Variants in NCAM2 observed in about 807,000 individuals in gnomAD.
NCAM2 encodes N-CAM-2.
In NCAM2, 30 loss-of-function variants were observed where a neutral mutation model predicts 98.1. The observed-to-expected ratio is 0.31, with a 90% CI of 0.23 to 0.41. NCAM2 has a LOEUF of 0.41. Among genes scored for constraint, NCAM2 ranks in the 10% least tolerant of loss-of-function variants. The pLI is 1.00. For synonymous variants in NCAM2, 368 were observed against 342.4 expected, an observed-to-expected ratio of 1.07 and a Z score of -0.83; for missense variants, 867 against 1,005.8, an observed-to-expected ratio of 0.86 and a Z score of 1.87.
intron 9 of NCAM2, among the ~76,000 whole-genome samples, chr21:21,384,132 A>G (rs1372854003): frequency 1.3e-5 from 2 of 152,056 alleles, no homozygotes; most frequent in Non-Finnish European, 2.9e-5. Context: ...ATTTAGAGTT[A>G]TATGTTTAAA....
chr21:21,141,877 G>A (rs866489687), intron 1 of NCAM2, among the ~76,000 whole-genome samples: 1 of 152,062 alleles, frequency 6.6e-6, no homozygotes, highest in East Asian at 1.9e-4. Context: ...CCATAAATTG[G>A]GTTCAAGGTA....
intron 1 of NCAM2, among the ~76,000 whole-genome samples, chr21:21,142,168 G>A (rs542576206): frequency 3.4e-4 from 51 of 152,132 alleles, no homozygotes; most frequent in African/African-American, 1.1e-3. Flanking sequence ...TAGCAATAGC[G>A]AAAACAACTA....
Position 21,537,867 on chromosome 21 carries a change from A to C in NCAM2, c.2424A>C (p.Glu808Asp), listed in dbSNP as rs1990068053. 1 of 1,560,516 alleles carries C rather than the reference A, an allele frequency of 6.4e-7. No homozygotes were observed. Among genetic ancestry groups the C allele is most frequent in the South Asian group, 1.2e-5 (1 of 84,454 alleles). Residue 808 changes from glutamate to aspartate, a missense_variant, in exon 18 of 18, where the codon GAA (glutamate) becomes GAC (aspartate). This residue lies in a region of NCAM2 where 125 missense variants were observed against 116.1 expected (regional missense o/e 1.08). Transcript: ENST00000400546. ...TEPEKLPLKE[E>D]DGKEALNPET... The stretch of plus-strand genomic sequence containing the variant: ...CCAGAAAATTGCCTTTAAAGGAAGA[A>C]GATGGGAAAGAAGCTCTAAATCCAG...
chr21:21,101,149 A>G (rs892741212), intron 1 of NCAM2, among the ~76,000 whole-genome samples: 12 of 151,998 alleles, frequency 7.9e-5, no homozygotes, highest in African/African-American at 2.2e-4. Flanking sequence ...TTTCATGTGC[A>G]TTACCTAATT....
In NCAM2 at chr21:21,368,755, G is replaced by C. The variant is rs1331701330; in HGVS notation, c.1045-5108G>C. 4.6e-5 allele frequency among the ~76,000 whole-genome samples: 7 copies of C among 151,738 alleles called. No homozygotes were observed. In the East Asian group the frequency reaches 1.4e-3, roughly 29 times the overall value. The stretch of plus-strand genomic sequence containing the variant: ...AACCTCCAAAAATACCAGCACAGTG[G>C]GGCTTAGGATTTCAACATATGAACT... On this transcript the variant is annotated intron_variant, in intron 8 of 17. Transcript: ENST00000400546.
Position 21,543,006 on chromosome 21 carries a change from GT to G in NCAM2, c.*5056del, listed in dbSNP as rs1013784931. The G allele has an allele frequency of 3.6e-5, 3 of 82,880 alleles. No individual in the cohort carries two copies. The highest frequency in any genetic ancestry group is 1.1e-4 in the African/African-American group (1 of 8,912). 5.1% of individuals were successfully genotyped at this position (82,880 alleles called of 1,614,324 possible). A position where few individuals can be genotyped will look rare whatever the true frequency, so the allele number is the denominator to read the frequency against. On this transcript the variant is annotated 3_prime_UTR_variant, in exon 18 of 18. Transcript: ENST00000400546. Reference sequence around the variant, plus strand: ...GAAATATGTGAAGTTAGAAATAAAGGTTTTTTTAAAAAAAAAGCTTTTTTGG... The same window carrying G: ...GAAATATGTGAAGTTAGAAATAAAGGTTTTTTAAAAAAAAAGCTTTTTTGG...
intron 1 of NCAM2, among the ~76,000 whole-genome samples, chr21:21,271,258 C>T (rs1459259337): frequency 6.6e-6 from 1 of 152,038 alleles, no homozygotes; most frequent in Admixed American, 6.6e-5. Context: ...AATATTTTAG[C>T]ATGTATTTTC....
chr21:21,068,890 C>G (rs2065499609), intron 1 of NCAM2, among the ~76,000 whole-genome samples: 2 of 152,022 alleles, frequency 1.3e-5, no homozygotes. Context: ...TTGCTTTTTT[C>G]ACTGCTAGTT....
At chr21:21,398,332 G>A (rs1448189567) in intron 9 of NCAM2, among the ~76,000 whole-genome samples, 1 of 152,044 alleles carries the variant, frequency 6.6e-6, no homozygotes, top group East Asian at 1.9e-4. Flanking sequence ...CAGGTGATGG[G>A]TACACCAAAA....
chr21:21,387,437 C>T (rs1170024966), intron 9 of NCAM2, among the ~76,000 whole-genome samples: 2 of 151,760 alleles, frequency 1.3e-5, no homozygotes, highest in South Asian at 4.2e-4. Flanking sequence ...ATGGATAGGA[C>T]AAGTACAGAA....
Position 21,538,058 on chromosome 21 carries a change from T to A in NCAM2, c.*101T>A. The A allele has an allele frequency of 1.7e-6, 1 of 603,366 alleles. No homozygotes were observed. Among genetic ancestry groups the A allele is most frequent in the Non-Finnish European group, 2.8e-6 (1 of 359,770 alleles). The allele number at this position is 603,366 out of a possible 1,614,324, so 37.4% of individuals were successfully genotyped here. ...ATTGACCTTAATTTCTTGGGAAACT[T>A]CTAGCTTGGAATAGCTTGTACACAT... is the stretch of plus-strand genomic sequence containing the variant. On this transcript the variant is annotated 3_prime_UTR_variant, in exon 18 of 18. Transcript: ENST00000400546.
At chr21:21,146,476 C>G (rs1365269140) in intron 1 of NCAM2, among the ~76,000 whole-genome samples, 1 of 147,506 alleles carries the variant, frequency 6.8e-6, no homozygotes, top group African/African-American at 2.5e-5. Flanking sequence ...AGAAACAGAA[C>G]CAATATATAC....
intron 4 of NCAM2, among the ~76,000 whole-genome samples, chr21:21,287,651 T>A (rs1046398536): frequency 6.6e-6 from 1 of 151,938 alleles, no homozygotes; most frequent in Non-Finnish European, 1.5e-5. Flanking sequence ...TAGTAGAATA[T>A]TTTGAAGTAA....
chr21:21,169,201 A>G (rs2068044758), intron 1 of NCAM2, among the ~76,000 whole-genome samples: 1 of 152,198 alleles, frequency 6.6e-6, no homozygotes, highest in Non-Finnish European at 1.5e-5. Flanking sequence ...TACAGTTTTT[A>G]CAACAAATGA....
chr21:21,324,859 T>C (rs940647157), intron 6 of NCAM2, among the ~76,000 whole-genome samples: 2 of 152,172 alleles, frequency 1.3e-5, no homozygotes, highest in African/African-American at 4.8e-5. Flanking sequence ...CACTGTCATA[T>C]GTATACAATA....
At chr21:21,244,766 G>GAA (rs2071197579) in intron 1 of NCAM2, among the ~76,000 whole-genome samples, 1 of 145,326 alleles carries the variant, frequency 6.9e-6, no homozygotes. Flanking sequence ...AGAATCACTT[G>GAA]AACCTGGGAG....
chr21:21,316,587 G>A (rs2074229017), intron 5 of NCAM2, among the ~76,000 whole-genome samples: 1 of 136,928 alleles, frequency 7.3e-6, no homozygotes, highest in Non-Finnish European at 1.5e-5. Context: ...CCATGTTGGA[G>A]TGCAATGGTG....
rs563208184 is a variant in NCAM2 at position 21,532,130 on chromosome 21, A to T, written c.2283-2407A>T. 3.1e-4 allele frequency among the ~76,000 whole-genome samples: 47 copies of T among 152,188 alleles called. No homozygotes were observed. The South Asian group carries it at 9.5e-3, about 31-fold the overall frequency. ...TAATACTTATGGTATTTATTATAAT[A>T]AAAAAGTTAAAAATAACCTAAATGT... On this transcript the variant is annotated intron_variant, in intron 16 of 17. Transcript: ENST00000400546.
At chr21:21,445,016 G>A (rs115383590) in intron 12 of NCAM2, among the ~76,000 whole-genome samples, 1 of 152,154 alleles carries the variant, frequency 6.6e-6, no homozygotes, top group African/African-American at 2.4e-5. Context: ...GTGTCCTAGA[G>A]ATTCTGGTAC....
Sources: gnomAD v4.1 joint callset for allele counts (sites outside exome capture counted in the v4.1 genomes callset) on GRCh38, gnomAD v4.1.1 for gene constraint, gnomAD v4.1.1 regional missense constraint, MANE v1.5 for transcripts, NCBI Gene and HGNC (gene_info 2026-07-23, HGNC 2026-07-21) for gene names.